The following PARD3B variants were observed in gnomAD, a reference collection of about 807,000 sequenced individuals.
PARD3B encodes the protein par-3 family cell polarity regulator beta, also known as partitioning defective 3 homolog B.
PARD3B carries 103 observed loss-of-function variants against 130.2 expected under a neutral mutation model. That is an observed-to-expected ratio of 0.79 (90% CI 0.67 to 0.93). The LOEUF is 0.93. Ranked by LOEUF, PARD3B falls within the 40% of genes least tolerant of loss-of-function variation. PARD3B has a pLI of 0.00. For missense variants in PARD3B, 1,609 were observed against 1,499.2 expected (o/e 1.07, Z -1.21); for synonymous variants, 583 against 553.2 (o/e 1.05, Z -0.76).
At chr2:205,311,728 C>T (rs1015654474) in intron 18 of PARD3B, among the ~76,000 whole-genome samples, 46 of 152,164 alleles carry the variant, frequency 3.0e-4, no homozygotes, top group African/African-American at 1.0e-3. Flanking sequence ...ATTTTATAAG[C>T]TTTGGGTCAC....
chr2:205,426,916 A>G (rs2047165636), intron 19 of PARD3B, among the ~76,000 whole-genome samples: 1 of 152,178 alleles, frequency 6.6e-6, no homozygotes, highest in South Asian at 2.1e-4. Flanking sequence ...CCTTTGAAAA[A>G]TCAAGGGGGA....
chr2:204,896,019 C>T (rs1329485738), intron 2 of PARD3B, among the ~76,000 whole-genome samples: 2 of 152,122 alleles, frequency 1.3e-5, no homozygotes, highest in Non-Finnish European at 2.9e-5. Context: ...TTTTCTGTGA[C>T]TTTTCTTCAA....
intron 22 of PARD3B, among the ~76,000 whole-genome samples, chr2:205,600,355 C>T (rs1347022261): frequency 6.6e-6 from 1 of 152,152 alleles, no homozygotes; most frequent in Non-Finnish European, 1.5e-5. Context: ...ATTTTGTACT[C>T]ATAAGGTTGA....
chr2:204,902,088 C>T (rs1489573942), intron 2 of PARD3B, among the ~76,000 whole-genome samples: 1 of 152,192 alleles, frequency 6.6e-6, no homozygotes, highest in Non-Finnish European at 1.5e-5. Flanking sequence ...TCCCTTGCTG[C>T]CTGGCTGCAT....
chr2:205,278,408 G>C (rs960178983), intron 16 of PARD3B, among the ~76,000 whole-genome samples: 1 of 152,148 alleles, frequency 6.6e-6, no homozygotes, highest in Non-Finnish European at 1.5e-5. Flanking sequence ...GCTTGGGGGG[G>C]AGAGGGGTCC....
At chr2:205,277,260 G>A (rs2040988259) in intron 16 of PARD3B, among the ~76,000 whole-genome samples, 1 of 152,142 alleles carries the variant, frequency 6.6e-6, no homozygotes, top group Non-Finnish European at 1.5e-5. Context: ...GTGTGCTTGG[G>A]TTCAAATCCC....
intron 21 of PARD3B, among the ~76,000 whole-genome samples, chr2:205,513,246 T>A (rs1167536238): frequency 1.3e-5 from 2 of 152,106 alleles, no homozygotes; most frequent in African/African-American, 4.8e-5. Context: ...CAAATCGCTA[T>A]GGGCTTTAGG....
chr2:205,569,215 A>T (rs1393711051), intron 22 of PARD3B, among the ~76,000 whole-genome samples: 2 of 150,924 alleles, frequency 1.3e-5, no homozygotes, highest in East Asian at 3.9e-4. Context: ...TTTGCATGTC[A>T]TTTCTGTCTA....
intron 2 of PARD3B, among the ~76,000 whole-genome samples, chr2:204,948,670 G>A (rs927423572): frequency 6.6e-6 from 1 of 152,078 alleles, no homozygotes; most frequent in Non-Finnish European, 1.5e-5. Context: ...TTTTCTAAGT[G>A]CAATATCAGG....
intron 2 of PARD3B, among the ~76,000 whole-genome samples, chr2:204,728,895 T>G: frequency 6.6e-6 from 1 of 152,132 alleles, no homozygotes; most frequent in African/African-American, 2.4e-5. Flanking sequence ...AAGGACAGAC[T>G]CCCTCAGAAC....
At chr2:205,167,408 A>G (rs2034883835) in intron 11 of PARD3B, among the ~76,000 whole-genome samples, 1 of 152,034 alleles carries the variant, frequency 6.6e-6, no homozygotes, top group Admixed American at 6.5e-5. Flanking sequence ...CTTTTATTAG[A>G]TTCTCAAAGG....
chr2:204,684,879 T>G (rs2037004861), intron 1 of PARD3B, among the ~76,000 whole-genome samples: 1 of 152,174 alleles, frequency 6.6e-6, no homozygotes, highest in Non-Finnish European at 1.5e-5. Flanking sequence ...TATGGAGAAC[T>G]TAATTTTGAA....
At chr2:205,594,493 A>C (rs892572247) in intron 22 of PARD3B, among the ~76,000 whole-genome samples, 1 of 152,102 alleles carries the variant, frequency 6.6e-6, no homozygotes, top group Non-Finnish European at 1.5e-5. Context: ...TGGGTCAGGG[A>C]CCATGTGAAT....
intron 18 of PARD3B, among the ~76,000 whole-genome samples, chr2:205,399,086 T>C (rs2106005233): frequency 6.6e-6 from 1 of 152,068 alleles, no homozygotes; most frequent in Admixed American, 6.5e-5. Context: ...CTGGCCAACA[T>C]GGTGAAACCC....
At chr2:204,681,751 C>G (rs191701431) in intron 1 of PARD3B, among the ~76,000 whole-genome samples, 1 of 152,268 alleles carries the variant, frequency 6.6e-6, no homozygotes, top group African/African-American at 2.4e-5. Context: ...GTCACCTTCT[C>G]CTTCCTGGGT....
intron 1 of PARD3B, among the ~76,000 whole-genome samples, chr2:204,572,717 A>G (rs1168192808): frequency 6.6e-6 from 1 of 152,194 alleles, no homozygotes; most frequent in Non-Finnish European, 1.5e-5. Flanking sequence ...AGCTGTGTAA[A>G]TTTTGTAAAT....
At chr2:205,615,406 G>C (rs201675261) in intron 22 of PARD3B, 50 bp from the exon 23 acceptor site, 3 of 1,480,800 alleles carry the variant, frequency 2.0e-6, no homozygotes, top group Non-Finnish European at 2.7e-6. Flanking sequence ...TTCTCCAGCC[G>C]GACGGCCAGC....
chr2:204,803,144 GAAAAAAAA>G (rs67190837), intron 2 of PARD3B, among the ~76,000 whole-genome samples: 148 of 120,134 alleles, frequency 1.2e-3, no homozygotes, highest in African/African-American at 4.5e-3. Flanking sequence ...AGTGCTGAAG[GAAAAAAAA>G]AAAAAAAAAA....
intron 20 of PARD3B, among the ~76,000 whole-genome samples, chr2:205,478,536 T>A (rs1408079535): frequency 6.6e-6 from 1 of 152,178 alleles, no homozygotes; most frequent in East Asian, 1.9e-4. Flanking sequence ...AATAAGGAGA[T>A]GTTTTCGATT....
Sources: gnomAD v4.1 joint callset for allele counts (sites outside exome capture counted in the v4.1 genomes callset) on GRCh38, gnomAD v4.1.1 for gene constraint, MANE v1.5 for transcripts, NCBI Gene and HGNC (gene_info 2026-07-23, HGNC 2026-07-21) for gene names.